TES: variants seen among roughly 807,000 people sequenced by gnomAD.
TES encodes testin.
TES carries 41 observed loss-of-function variants against 48.2 expected under a neutral mutation model. The observed-to-expected ratio is 0.85, with a 90% CI of 0.66 to 1.10. The LOEUF (loss-of-function observed/expected upper bound fraction) is 1.10, where lower values mean the gene tolerates loss of function less well. Among genes scored for constraint, TES ranks in the 50% least tolerant of loss-of-function variants. TES has a pLI of 0.00. For synonymous variants in TES, 162 were observed against 174.9 expected (o/e 0.93, Z 0.58); for missense variants, 463 against 515.1 (o/e 0.90, Z 0.98).
intron 1 of TES, among the ~76,000 whole-genome samples, chr7:116,213,017 G>T (rs1044649020): frequency 6.6e-6 from 1 of 152,184 alleles, no homozygotes; most frequent in Non-Finnish European, 1.5e-5. Flanking sequence ...TGTCCCGTAT[G>T]ACTCCAATTT....
Position 116,250,459 on chromosome 7 carries a change from T to C in TES, c.665T>C (p.Met222Thr), listed in dbSNP as rs775004660. 8.8e-6 allele frequency: 14 copies of C among 1,581,926 alleles called. No homozygotes were observed. The South Asian group carries it at 1.7e-4, about 19-fold the overall frequency. ...AGCACCCCAGCAGCAGTGGGGGCCATGGAGGACAAATCTGCTGAGCACAAA... is the reference window on the plus strand; with the variant it reads ...AGCACCCCAGCAGCAGTGGGGGCCACGGAGGACAAATCTGCTGAGCACAAA... ...DRSTPAAVGAMEDKSAEHKRT... is the reference protein window; with the variant it reads ...DRSTPAAVGATEDKSAEHKRT... The change falls in exon 4 of 7, where the codon ATG becomes ACG. Residue 222 changes from methionine to threonine, a missense_variant. Physicochemically the swap from Met to Thr is moderately conservative, Grantham distance 81. Transcript: ENST00000358204.
chr7:116,216,337 G>A (rs1020882220), intron 1 of TES, among the ~76,000 whole-genome samples: 8 of 151,974 alleles, frequency 5.3e-5, no homozygotes, highest in South Asian at 2.1e-4. Flanking sequence ...TAGTGTATCC[G>A]TTTTCTCACT....
rs114569475 is a variant in TES, at chr7:116,214,635, A to C, written c.27+3901A>C. Among the ~76,000 whole-genome samples, 954 of 152,224 alleles carry C rather than the reference A, an allele frequency of 6.3e-3. 11 individuals are homozygous for C. The highest frequency in any genetic ancestry group is 0.022 in the African/African-American group (898 of 41,496). ...GAATATGAAAAGTCCCTTTCTCTTA[A>C]TTGTCCTGAATATTGGTTGGAGAAA... On this transcript the variant is annotated intron_variant, in intron 1 of 6. Transcript: ENST00000358204.
chr7:116,210,787 GGC>G (rs1405275577), intron 1 of TES, 53 bp downstream of exon 1: 38 of 1,228,700 alleles, frequency 3.1e-5, no homozygotes, highest in Non-Finnish European at 3.1e-5. Context: ...CGGGTCGCGC[GGC>G]GCGCGGCGGC....
chr7:116,228,480 C>T (rs573887973), intron 1 of TES, among the ~76,000 whole-genome samples: 4 of 152,190 alleles, frequency 2.6e-5, no homozygotes, highest in South Asian at 2.1e-4. Context: ...GAGACTTGTG[C>T]GCTTATGAAA....
intron 1 of TES, among the ~76,000 whole-genome samples, chr7:116,212,218 A>G (rs1014200438): frequency 1.3e-5 from 2 of 152,234 alleles, no homozygotes; most frequent in Non-Finnish European, 2.9e-5. Context: ...TTATTTGAAG[A>G]CAACTTTGCA....
chr7:116,251,459 A>G (rs61227992), intron 4 of TES: 80,872 of 285,338 alleles, frequency 0.28, 12,449 homozygotes, highest in African/African-American at 0.43. Flanking sequence ...GAGGCGGGTG[A>G]ATCACGAGGT....
intron 1 of TES, among the ~76,000 whole-genome samples, chr7:116,225,585 C>G (rs1255797714): frequency 1.3e-5 from 2 of 152,160 alleles, no homozygotes; most frequent in Non-Finnish European, 2.9e-5. Context: ...AGATTTCTGA[C>G]CATTTGGCTT....
intron 2 of TES, among the ~76,000 whole-genome samples, chr7:116,245,931 C>T (rs1417867555): frequency 6.6e-6 from 1 of 152,048 alleles, no homozygotes; most frequent in Non-Finnish European, 1.5e-5. Context: ...CTTATAAAAC[C>T]ATCAGCTCTC....
chr7:116,257,380 C>T lies in TES; in HGVS notation c.1164C>T (p.Cys388=), dbSNP rs1426199481. The change falls in exon 7 of 7, where the codon TGC becomes TGT. Residue 388 remains cysteine, a synonymous_variant. Coordinates refer to ENST00000358204, the MANE Select transcript of TES (RefSeq NM_015641.4). ...TCAGCTGGCATGCATCCACAGAGTG[C>T]TTTCTGTGCTCTTGCTGCAGCAAAT... The part of the protein sequence containing the change: ...NNFSWHASTE[C]FLCSCCSKCL... 6.2e-7 allele frequency: 1 copy of T among 1,613,950 alleles called. No individual in the cohort carries two copies. Among genetic ancestry groups the T allele is most frequent in the African/African-American group, 1.3e-5 (1 of 74,900 alleles).
rs1219725531 is a variant in TES at position 116,252,443 on chromosome 7, G to A, written c.1044G>A (p.Val348=). Residue 348 remains valine, a synonymous_variant, in exon 6 of 7, where the codon GTG becomes GTA. Coordinates refer to ENST00000358204, the MANE Select transcript of TES (RefSeq NM_015641.4). ...EIYVMVNDKP[V]CKPCYVKNHA... is the part of the protein sequence containing the mutation. ...ACGTGATGGTCAATGACAAGCCCGTGTGCAAGCCCTGCTATGTGAAGAATC... is the reference window on the plus strand; with the variant it reads ...ACGTGATGGTCAATGACAAGCCCGTATGCAAGCCCTGCTATGTGAAGAATC... The A allele has an allele frequency of 1.9e-6, 3 of 1,614,104 alleles. No individual in the cohort carries two copies. The highest frequency in any genetic ancestry group is 1.7e-5 in the Admixed American group (1 of 60,014).
At position 116,239,818 on chromosome 7, in the gene TES, TATAGAG is replaced by T. The variant is rs1025890276; in HGVS notation, c.113+5203_113+5208del. The stretch of plus-strand genomic sequence containing the variant: ...CTGCTGGGAATGCTTTCAAGTAATA[TATAGAG>T]ATAAAGAGTGTTTATTGAAATGTAT... On this transcript the variant is annotated intron_variant, in intron 2 of 6. Coordinates refer to ENST00000358204, the MANE Select transcript of TES (RefSeq NM_015641.4). Among the ~76,000 whole-genome samples, 95 of 152,236 alleles carry T rather than the reference TATAGAG, an allele frequency of 6.2e-4. 1 individual carries two copies. The highest frequency in any genetic ancestry group is 5.7e-3 in the Admixed American group (87 of 15,302).
At chr7:116,230,200 T>C (rs770314122) in intron 1 of TES, among the ~76,000 whole-genome samples, 5 of 152,308 alleles carry the variant, frequency 3.3e-5, no homozygotes, top group Admixed American at 2.6e-4. Flanking sequence ...GGAGAAAGTG[T>C]ATCATATTGC....
At chr7:116,234,689 AT>A in intron 2 of TES, 70 bp downstream of exon 2, 3 of 1,300,194 alleles carry the variant, frequency 2.3e-6, no homozygotes, top group Non-Finnish European at 3.3e-6. Context: ...GACAGTGGAG[AT>A]ATCTTCGAGT....
chr7:116,257,284 T>G lies in TES; in HGVS notation c.1078-10T>G, dbSNP rs1800114024. Reference sequence around the variant, plus strand: ...CTCTCACCCTCTTCTCTTGTATTATTTCTTAATAGGTGTGTCAAGGATGCC... The same window carrying G: ...CTCTCACCCTCTTCTCTTGTATTATGTCTTAATAGGTGTGTCAAGGATGCC... On this transcript the variant is annotated splice_polypyrimidine_tract_variant and intron_variant, in intron 6 of 6. Transcript: ENST00000358204. The G allele has an allele frequency of 6.3e-7, 1 of 1,592,782 alleles. No homozygotes were observed. Among genetic ancestry groups the G allele is most frequent in the Non-Finnish European group, 8.6e-7 (1 of 1,168,850 alleles).
At chr7:116,236,232 G>C (rs1799769310) in intron 2 of TES, among the ~76,000 whole-genome samples, 1 of 152,124 alleles carries the variant, frequency 6.6e-6, no homozygotes, top group South Asian at 2.1e-4. Context: ...CCTGGGCATA[G>C]TTTTTACCTT....
intron 2 of TES, among the ~76,000 whole-genome samples, chr7:116,246,007 C>T (rs1232980751): frequency 6.6e-6 from 1 of 152,010 alleles, no homozygotes; most frequent in African/African-American, 2.4e-5. Flanking sequence ...CAATTACCTC[C>T]TACCACATCT....
chr7:116,253,600 A>G (rs1800050197), intron 6 of TES, among the ~76,000 whole-genome samples: 1 of 152,110 alleles, frequency 6.6e-6, no homozygotes, highest in Non-Finnish European at 1.5e-5. Flanking sequence ...TCTACTAGTT[A>G]TCCAACGCAA....
chr7:116,220,006 G>A (rs1405306237), intron 1 of TES, among the ~76,000 whole-genome samples: 44 of 151,982 alleles, frequency 2.9e-4, no homozygotes, highest in Non-Finnish European at 2.9e-5. Context: ...CATTCCAGCC[G>A]GGTCATGTGA....
Sources: allele counts gnomAD v4.1 joint callset (sites outside exome capture counted in the v4.1 genomes callset), GRCh38; gene constraint gnomAD v4.1.1; transcripts MANE v1.5; gene names NCBI Gene and HGNC (gene_info 2026-07-23, HGNC 2026-07-21).